DHX30: variants seen among roughly 807,000 people sequenced by gnomAD.
DHX30 encodes ATP-dependent RNA helicase DHX30.
DHX30 carries 4 observed loss-of-function variants against 116.9 expected under a neutral mutation model. The ratio of observed to expected loss-of-function variants is 0.03; its 90% CI spans 0.02 to 0.08. DHX30 has a LOEUF of 0.08. Ranked by LOEUF, DHX30 falls within the 10% of genes least tolerant of loss-of-function variation. The probability of loss-of-function intolerance (pLI) is 1.00; values close to 1 mark genes in which losing one functional copy is unlikely to be tolerated. For missense variants in DHX30, 871 were observed against 1,595.1 expected, an observed-to-expected ratio of 0.55 and a Z score of 7.73; for synonymous variants, 697 against 651.7, an observed-to-expected ratio of 1.07 and a Z score of -1.06.
At chr3:47,837,676 G>A (rs563408687) in intron 6 of DHX30, among the ~76,000 whole-genome samples, 3 of 152,188 alleles carry the variant, frequency 2.0e-5, no homozygotes, top group African/African-American at 4.8e-5. Context: ...CAGGAGAATC[G>A]CTTGAACCTG....
At chr3:47,816,659 A>G in intron 3 of DHX30, 1 of 985,508 alleles carries the variant, frequency 1.0e-6, no homozygotes, top group African/African-American at 1.7e-5. Flanking sequence ...CCGGGCTACA[A>G]AGAGCCTTCT....
rs766995368 is a variant in DHX30, at chr3:47,848,607, C to T, written c.2576-17C>T. On this transcript the variant is annotated splice_polypyrimidine_tract_variant and intron_variant, in intron 16 of 21. Coordinates refer to ENST00000445061, the MANE Select transcript of DHX30 (RefSeq NM_138615.3). This position sits in a 1 kb window ranked among gnomAD's most constrained non-coding sequence, Gnocchi z 9.4. ...GAGTGGCTCTCGAGGGTGGTACTGA[C>T]AGCTGAGCCGTTGCAGGGGTGCTGG... 1.2e-6 allele frequency: 2 copies of T among 1,613,924 alleles called. No homozygotes were observed. The highest frequency in any genetic ancestry group is 2.7e-5 in the African/African-American group (2 of 74,906).
intron 8 of DHX30, 151 bp downstream of exon 8, chr3:47,841,888 C>A: frequency 9.0e-7 from 1 of 1,116,898 alleles, no homozygotes; most frequent in Non-Finnish European, 1.3e-6. Flanking sequence ...GGAGGAAAAG[C>A]AGCAGGTGTG....
chr3:47,816,404 C>T (rs1409412804), intron 3 of DHX30: 1 of 973,134 alleles, frequency 1.0e-6, no homozygotes, highest in African/African-American at 1.9e-5. Context: ...TGTGGCCAGG[C>T]TGGAGTGCAA....
At chr3:47,810,559 C>T (rs954213643) in intron 2 of DHX30, 98 bp from the exon 3 acceptor site, 5 of 994,832 alleles carry the variant, frequency 5.0e-6, no homozygotes, top group Admixed American at 2.1e-5. Flanking sequence ...TCATTTTTTT[C>T]ATTTTCTGAA....
chr3:47,828,884 CTG>C (rs1412239316), intron 5 of DHX30, 138 bp from the exon 6 acceptor site: 2 of 639,624 alleles, frequency 3.1e-6, no homozygotes, highest in African/African-American at 3.8e-5. Flanking sequence ...GTTCTGTCCT[CTG>C]TTCTCAACTC....
At chr3:47,809,080 C>A (rs1050295712) in intron 2 of DHX30, among the ~76,000 whole-genome samples, 1 of 150,772 alleles carries the variant, frequency 6.6e-6, no homozygotes, top group Non-Finnish European at 1.5e-5. Flanking sequence ...TTAGTAGAGA[C>A]GGGGTCATGT....
intron 4 of DHX30, chr3:47,825,029 G>A: frequency 1.5e-6 from 1 of 648,166 alleles, no homozygotes; most frequent in Non-Finnish European, 2.8e-6. Context: ...CTCGGGGTCG[G>A]CGGGAGCACG....
At chr3:47,849,125 C>A in intron 18 of DHX30, 46 bp downstream of exon 18, 1 of 1,612,138 alleles carries the variant, frequency 6.2e-7, no homozygotes. Flanking sequence ...CCCACCCCCA[C>A]TGAGTTTCTG....
intron 2 of DHX30, 88 bp from the exon 3 acceptor site, chr3:47,810,569 A>G: frequency 1.9e-6 from 2 of 1,067,242 alleles, no homozygotes; most frequent in Non-Finnish European, 2.9e-6. Context: ...CATTTTCTGA[A>G]CAGTGCTCTC....
At chr3:47,815,723 C>CAAAAAAAAAAAAAAAAAAA (rs11349970) in intron 3 of DHX30, among the ~76,000 whole-genome samples, 17 of 20,760 alleles carry the variant, frequency 8.2e-4, no homozygotes, top group East Asian at 1.9e-3. Context: ...TAAAAAAGAG[C>CAAAAAAAAAAAAAAAAAAA]AAAAAAAAAA....
chr3:47,811,955 T>C (rs773776162), intron 3 of DHX30, among the ~76,000 whole-genome samples: 3 of 151,598 alleles, frequency 2.0e-5, no homozygotes, highest in Admixed American at 6.6e-5. Context: ...TCCCAGCTAC[T>C]TGGGAGGCTG....
intron 2 of DHX30, among the ~76,000 whole-genome samples, chr3:47,806,253 C>T (rs1462266146): frequency 1.5e-4 from 22 of 144,128 alleles, no homozygotes; most frequent in Middle Eastern, 4.1e-3. Flanking sequence ...AAGCGATTCT[C>T]CTGCCTCAGC....
intron 8 of DHX30, chr3:47,842,224 C>T (rs1339354636): frequency 6.4e-6 from 1 of 156,104 alleles, no homozygotes; most frequent in Non-Finnish European, 1.4e-5. Context: ...TTACAAGACA[C>T]TAAGGGCTCC....
chr3:47,817,943 C>T (rs1576471275), intron 3 of DHX30, 79 bp from the exon 4 acceptor site: 1 of 780,236 alleles, frequency 1.3e-6, no homozygotes, highest in African/African-American at 1.7e-5. Flanking sequence ...CTCACGGATG[C>T]TCTGAGTGAG....
intron 3 of DHX30, among the ~76,000 whole-genome samples, chr3:47,813,385 C>T (rs973338835): frequency 6.6e-6 from 1 of 152,158 alleles, no homozygotes. Context: ...TAGTGCTCTA[C>T]AGCACACTGA....
intron 2 of DHX30, among the ~76,000 whole-genome samples, chr3:47,805,720 T>C (rs1265507255): frequency 6.6e-6 from 1 of 152,086 alleles, no homozygotes; most frequent in Admixed American, 6.6e-5. Context: ...TTTGTATTTT[T>C]AGTAGAGACT....
At position 47,850,007 on chromosome 3, in the gene DHX30, G is replaced by A. The variant is rs1450109420; in HGVS notation, c.3472G>A (p.Ala1158Thr). ...MVERSLRSEL[A>T]ALPPSVQEEH... ...GGAGCGGAGCCTGCGCAGCGAGCTG[G>A]CTGCACTTCCCCCCAGCGTACAGGA... The change falls in exon 22 of 22, where the codon GCT (alanine) becomes ACT (threonine). Residue 1158 changes from alanine (A) to threonine (T), a missense_variant. Around this residue, in one of 13 missense-constraint regions of DHX30, gnomAD observed 52 missense variants for 50.1 expected, o/e 1.04. Transcript: ENST00000445061. 3 of 1,611,404 alleles carry A rather than the reference G, an allele frequency of 1.9e-6. No individual in the cohort carries two copies. Among genetic ancestry groups the A allele is most frequent in the Non-Finnish European group, 2.5e-6 (3 of 1,179,496 alleles).
Position 47,849,083 on chromosome 3 carries a change from A to G in DHX30, c.2929+4A>G. 6.2e-7 allele frequency: 1 copy of G among 1,609,116 alleles called. No homozygotes were observed. Among genetic ancestry groups the G allele is most frequent in the Admixed American group, 1.7e-5 (1 of 59,646 alleles). ...CCCAGCCTGCGCTTCATCCACGGTCAGTCGGGCCCACACCTGCTCTCCTGA... is the reference window on the plus strand; with the variant it reads ...CCCAGCCTGCGCTTCATCCACGGTCGGTCGGGCCCACACCTGCTCTCCTGA... On this transcript the variant is annotated splice_donor_region_variant and intron_variant, in intron 18 of 21. Coordinates refer to ENST00000445061, the MANE Select transcript of DHX30 (RefSeq NM_138615.3).
Sources: allele counts gnomAD v4.1 joint callset (sites outside exome capture counted in the v4.1 genomes callset), GRCh38; gene constraint gnomAD v4.1.1; regional missense constraint gnomAD v4.1.1; non-coding constraint Gnocchi (gnomAD v3.1); transcripts MANE v1.5; gene names NCBI Gene and HGNC (gene_info 2026-07-23, HGNC 2026-07-21).